The following VAV3 variants were observed in gnomAD, a reference collection of about 807,000 sequenced individuals.
VAV3 encodes vav guanine nucleotide exchange factor 3.
A neutral mutation model predicts 131.2 loss-of-function variants in VAV3; 94 were observed. The ratio of observed to expected loss-of-function variants is 0.72; its 90% CI spans 0.61 to 0.85. The LOEUF (loss-of-function observed/expected upper bound fraction) is 0.85. Ranked by LOEUF, VAV3 falls within the 40% of genes least tolerant of loss-of-function variation. The probability of loss-of-function intolerance (pLI) is 0.00; values close to 1 mark genes in which losing one functional copy is unlikely to be tolerated. For synonymous variants in VAV3, 349 were observed against 342.0 expected (o/e 1.02, Z -0.22); for missense variants, 939 against 1,002.7 (o/e 0.94, Z 0.86).
At chr1:107,728,751 T>C (rs1202111786) in intron 15 of VAV3, among the ~76,000 whole-genome samples, 1 of 152,104 alleles carries the variant, frequency 6.6e-6, no homozygotes, top group African/African-American at 2.4e-5. Context: ...GCAAAAAGAC[T>C]GCTTAGCTAA....
intron 2 of VAV3, among the ~76,000 whole-genome samples, chr1:107,825,380 TAAAAAC>T (rs939330252): frequency 6.6e-6 from 1 of 151,168 alleles, no homozygotes; most frequent in African/African-American, 2.4e-5. Context: ...AGAAAAAAGA[TAAAAAC>T]AAAAATGAGA....
At chr1:107,725,647 T>G (rs1661794177) in intron 15 of VAV3, among the ~76,000 whole-genome samples, 1 of 152,140 alleles carries the variant, frequency 6.6e-6, no homozygotes, top group African/African-American at 2.4e-5. Context: ...CCCGAGTAGC[T>G]GGGATCACAG....
intron 10 of VAV3, among the ~76,000 whole-genome samples, chr1:107,759,416 G>T (rs1366675672): frequency 6.6e-6 from 1 of 152,038 alleles, no homozygotes; most frequent in Admixed American, 6.6e-5. Flanking sequence ...TGAATCTGTG[G>T]TTTCAAATCA....
intron 24 of VAV3, among the ~76,000 whole-genome samples, chr1:107,596,614 T>C (rs1017805652): frequency 6.6e-6 from 1 of 152,146 alleles, no homozygotes; most frequent in Non-Finnish European, 1.5e-5. Context: ...CAGTCAGATG[T>C]AGCAAATGAA....
At chr1:107,601,996 T>G (rs1274420613) in intron 24 of VAV3, among the ~76,000 whole-genome samples, 1 of 152,142 alleles carries the variant, frequency 6.6e-6, no homozygotes, top group Non-Finnish European at 1.5e-5. Flanking sequence ...TTATATTGCA[T>G]TTTATAAAAA....
intron 20 of VAV3, among the ~76,000 whole-genome samples, chr1:107,633,175 T>G (rs1013417388): frequency 1.4e-4 from 22 of 151,946 alleles, no homozygotes; most frequent in Non-Finnish European, 2.6e-4. Context: ...TAGGAAAAAT[T>G]AGTGAATAAA....
At chr1:107,900,598 C>G (rs1571114885) in intron 1 of VAV3, among the ~76,000 whole-genome samples, 1 of 152,178 alleles carries the variant, frequency 6.6e-6, no homozygotes, top group African/African-American at 2.4e-5. Context: ...TTGATAAGTG[C>G]AGTCCATTTA....
chr1:107,932,090 C>A (rs1673464616), intron 1 of VAV3, among the ~76,000 whole-genome samples: 1 of 152,238 alleles, frequency 6.6e-6, no homozygotes, highest in Non-Finnish European at 1.5e-5. Context: ...CTGGTGCCCA[C>A]ACTTGTGTTT....
chr1:107,883,836 T>TA (rs1423239598), intron 1 of VAV3, among the ~76,000 whole-genome samples: 1 of 152,132 alleles, frequency 6.6e-6, no homozygotes, highest in African/African-American at 2.4e-5. Flanking sequence ...GGCAGAAACT[T>TA]AGACTTAGAA....
intron 20 of VAV3, among the ~76,000 whole-genome samples, chr1:107,625,581 A>G (rs1261858010): frequency 6.6e-6 from 1 of 152,086 alleles, no homozygotes; most frequent in African/African-American, 2.4e-5. Context: ...ATTTAATCTG[A>G]TAGCATTTAT....
At chr1:107,797,310 A>C (rs1297613257) in intron 2 of VAV3, among the ~76,000 whole-genome samples, 1 of 152,142 alleles carries the variant, frequency 6.6e-6, no homozygotes, top group East Asian at 1.9e-4. Context: ...AGAAGTTATG[A>C]TTTTATTTTC....
chr1:107,864,947 G>A (rs907151364), intron 2 of VAV3, among the ~76,000 whole-genome samples: 7 of 152,160 alleles, frequency 4.6e-5, no homozygotes, highest in Admixed American at 2.0e-4. Flanking sequence ...AGTAAATGAT[G>A]GGTGAATTAC....
intron 20 of VAV3, among the ~76,000 whole-genome samples, chr1:107,630,195 G>A (rs76676166): frequency 8.9e-4 from 136 of 152,232 alleles, no homozygotes; most frequent in Non-Finnish European, 1.4e-3. Flanking sequence ...CCTGAGTTCT[G>A]ATCATTCCTT....
intron 1 of VAV3, among the ~76,000 whole-genome samples, chr1:107,927,828 G>T (rs896612336): frequency 6.6e-6 from 1 of 152,152 alleles, no homozygotes; most frequent in South Asian, 2.1e-4. Flanking sequence ...TGATACCTCT[G>T]GACCCACCTG....
intron 1 of VAV3, among the ~76,000 whole-genome samples, chr1:107,891,313 T>C (rs752482657): frequency 6.6e-6 from 1 of 152,230 alleles, no homozygotes; most frequent in Non-Finnish European, 1.5e-5. Flanking sequence ...TGTTATATCA[T>C]TTTAATCAAA....
intron 2 of VAV3, among the ~76,000 whole-genome samples, chr1:107,867,571 TA>T (rs1460156282): frequency 6.6e-6 from 1 of 152,068 alleles, no homozygotes; most frequent in African/African-American, 2.4e-5. Context: ...CTCCTTTGCC[TA>T]AAAAAAGGTA....
intron 1 of VAV3, among the ~76,000 whole-genome samples, chr1:107,887,494 G>C (rs2101050569): frequency 6.6e-6 from 1 of 152,228 alleles, no homozygotes; most frequent in South Asian, 2.1e-4. Flanking sequence ...GGCTTTTTAT[G>C]AATCTTCTAT....
intron 22 of VAV3, among the ~76,000 whole-genome samples, chr1:107,608,499 A>G (rs1167475275): frequency 6.6e-6 from 1 of 152,294 alleles, no homozygotes; most frequent in African/African-American, 2.4e-5. Flanking sequence ...AATTCCACAG[A>G]CACTAATGAC....
chr1:107,789,339 A>C (rs1666170797), intron 2 of VAV3, among the ~76,000 whole-genome samples: 1 of 152,218 alleles, frequency 6.6e-6, no homozygotes, highest in Admixed American at 6.5e-5. Flanking sequence ...AAGTCTCAGA[A>C]AGAAAAGGCC....
Sources: gnomAD v4.1 joint callset for allele counts (sites outside exome capture counted in the v4.1 genomes callset) on GRCh38, gnomAD v4.1.1 for gene constraint, MANE v1.5 for transcripts, NCBI Gene and HGNC (gene_info 2026-07-23, HGNC 2026-07-21) for gene names.